Variants in CHD5 observed in about 807,000 individuals in gnomAD.
CHD5 encodes the protein chromodomain helicase DNA binding protein 5, also known as ATP-dependent chromatin remodeler CHD5.
In CHD5, 69 loss-of-function variants were observed where a neutral mutation model predicts 230.3. The observed-to-expected ratio is 0.30, with a 90% CI of 0.25 to 0.37. The LOEUF is 0.37. Among genes scored for constraint, CHD5 ranks in the 10% least tolerant of loss-of-function variants. The pLI, the probability that CHD5 is intolerant of heterozygous loss-of-function variation, is 1.00. For missense variants in CHD5, 1,827 were observed against 2,622.8 expected, an observed-to-expected ratio of 0.70 and a Z score of 6.63; for synonymous variants, 1,064 against 1,065.9, an observed-to-expected ratio of 1.00 and a Z score of 0.03.
intron 13 of CHD5, among the ~76,000 whole-genome samples, chr1:6,143,103 A>G (rs923339371): frequency 9.9e-5 from 15 of 151,560 alleles, no homozygotes; most frequent in Non-Finnish European, 1.9e-4. Context: ...CCCAGGCTGG[A>G]GTGCAGTGGC....
chr1:6,126,784 A>G lies in CHD5; in HGVS notation c.3904-38T>C. The G allele has an allele frequency of 1.3e-6, 2 of 1,593,554 alleles. No individual in the cohort carries two copies. The highest frequency in any genetic ancestry group is 1.7e-6 in the Non-Finnish European group (2 of 1,165,606). On this transcript the variant is annotated intron_variant, in intron 25 of 41. Transcript: ENST00000262450. The surrounding 1 kb of genome is among the most constrained non-coding windows in gnomAD (Gnocchi z 5.7). ...CACCACGGGTTCCATGGGTGGAGCC[A>G]TCTCTGCCCTCCCGGAAGCCTCAGG...
intron 1 of CHD5, among the ~76,000 whole-genome samples, chr1:6,176,850 A>T (rs1156369514): frequency 6.6e-6 from 1 of 152,204 alleles, no homozygotes; most frequent in Non-Finnish European, 1.5e-5. Context: ...CCAAGGCCTC[A>T]TCCCACCAGC....
At chr1:6,140,603 C>T (rs138022071) in intron 15 of CHD5, among the ~76,000 whole-genome samples, 160 of 152,264 alleles carry the variant, frequency 1.1e-3, no homozygotes, top group Admixed American at 2.4e-3. Flanking sequence ...AGTGAGGCCA[C>T]GTGACTTGCC....
At chr1:6,137,521 A>G (rs1666764585) in intron 15 of CHD5, among the ~76,000 whole-genome samples, 1 of 151,734 alleles carries the variant, frequency 6.6e-6, no homozygotes, top group African/African-American at 2.4e-5. Context: ...TCTTTTGGAG[A>G]GAGATCTCTC....
chr1:6,111,669 T>C lies in CHD5; in HGVS notation c.5249+106A>G. ...TAGCCACCGCCAGAAGTGAGGAAGA[T>C]TGAGGAAGAACGAGGAAGGCTTCCC... is the stretch of plus-strand genomic sequence containing the variant. On this transcript the variant is annotated intron_variant, in intron 36 of 41. Coordinates refer to ENST00000262450, the MANE Select transcript of CHD5 (RefSeq NM_015557.3). The C allele has an allele frequency of 1.8e-5, 15 of 842,008 alleles. No homozygotes were observed. In the South Asian group the frequency reaches 2.3e-4, roughly 13 times the overall value. The allele number at this position is 842,008 out of a possible 1,614,324, so 52.2% of individuals were successfully genotyped here. A position where few individuals can be genotyped will look rare whatever the true frequency, so the allele number is the denominator to read the frequency against.
intron 13 of CHD5, among the ~76,000 whole-genome samples, chr1:6,143,560 G>T (rs543207569): frequency 6.6e-6 from 1 of 152,196 alleles, no homozygotes; most frequent in Non-Finnish European, 1.5e-5. Context: ...AGGGCCAGGC[G>T]CTAGTGGACA....
At chr1:6,114,866 T>G (rs1666350434) in intron 33 of CHD5, among the ~76,000 whole-genome samples, 1 of 151,860 alleles carries the variant, frequency 6.6e-6, no homozygotes, top group Non-Finnish European at 1.5e-5. Context: ...ATACAAAAAT[T>G]AGGCAGGTGT....
intron 38 of CHD5, among the ~76,000 whole-genome samples, chr1:6,108,838 G>A (rs1156845968): frequency 6.7e-6 from 1 of 148,672 alleles, no homozygotes; most frequent in Non-Finnish European, 1.5e-5. Context: ...GGGATTGAGG[G>A]GTGAAAGAAT....
rs1355853175 is a variant in CHD5, at chr1:6,167,544, G to A, written c.207+606C>T. 6.6e-6 allele frequency among the ~76,000 whole-genome samples: 1 copy of A among 152,212 alleles called. No individual in the cohort carries two copies. Among genetic ancestry groups the A allele is most frequent in the African/African-American group, 2.4e-5 (1 of 41,442 alleles). On this transcript the variant is annotated intron_variant, in intron 2 of 41. Transcript: ENST00000262450. This position sits in a 1 kb window ranked among gnomAD's most constrained non-coding sequence, Gnocchi z 4.5. ...TCCCATGCCACCAATTTCCAGGGCT[G>A]ATCATGAGGATCAAGTGAGCCCGCG...
Position 6,101,834 on chromosome 1 carries a change from TACAC to T in CHD5, c.*3636_*3639del, listed in dbSNP as rs546688311. Reference sequence around the variant, plus strand: ...TATTAAAACACAGAAAACCAAAACATACACACAGAGTACAAAGTAAAGGTGATTG... The same window carrying T: ...TATTAAAACACAGAAAACCAAAACATACAGAGTACAAAGTAAAGGTGATTG... On this transcript the variant is annotated 3_prime_UTR_variant, in exon 42 of 42. Coordinates refer to ENST00000262450, the MANE Select transcript of CHD5 (RefSeq NM_015557.3). The T allele has an allele frequency of 3.0e-4, 61 of 200,636 alleles. No homozygotes were observed. Among genetic ancestry groups the T allele is most frequent in the African/African-American group, 1.4e-3 (56 of 41,168 alleles). The allele number at this position is 200,636 out of a possible 1,614,324, so 12.4% of individuals were successfully genotyped here. A position where few individuals can be genotyped will look rare whatever the true frequency, so the allele number is the denominator to read the frequency against.
At chr1:6,149,700 G>C (rs1318943366) in intron 7 of CHD5, among the ~76,000 whole-genome samples, 1 of 140,618 alleles carries the variant, frequency 7.1e-6, no homozygotes, top group African/African-American at 2.7e-5. Flanking sequence ...ATAGATGAAT[G>C]GATGGACAAA....
At position 6,152,452 on chromosome 1, in the gene CHD5, C is replaced by A; in HGVS notation, c.830G>T (p.Arg277Leu). 1 of 1,614,166 alleles carries A rather than the reference C, an allele frequency of 6.2e-7. No individual in the cohort carries two copies. The highest frequency in any genetic ancestry group is 8.5e-7 in the Non-Finnish European group (1 of 1,180,038). Residue 277 changes from arginine to leucine, a missense_variant, in exon 6 of 42, where the codon CGC becomes CTC. Physicochemically the swap from Arg to Leu is moderately radical, Grantham distance 102 (BLOSUM62 -2). Around this residue, in one of 14 missense-constraint regions of CHD5, gnomAD observed 657 missense variants for 816.4 expected, o/e 0.80. Coordinates refer to ENST00000262450, the MANE Select transcript of CHD5 (RefSeq NM_015557.3). ...KGKKTAGLKF[R>L]FGGISNKRKK... is the part of the protein sequence containing the mutation. ...CCTCTTGTTGCTGATCCCCCCGAAG[C>A]GGAACTTGAGCCCGGCCGTCTTTTT...
At position 6,112,264 on chromosome 1, in the gene CHD5, A is replaced by T. The variant is rs554050905; in HGVS notation, c.5016T>A (p.Ala1672=). 6.2e-7 allele frequency: 1 copy of T among 1,614,012 alleles called. No individual in the cohort carries two copies. Among genetic ancestry groups the T allele is most frequent in the Admixed American group, 1.7e-5 (1 of 60,010 alleles). Residue 1672 remains alanine (A), a synonymous_variant, in exon 35 of 42, where the codon GCT becomes GCA. Coordinates refer to ENST00000262450, the MANE Select transcript of CHD5 (RefSeq NM_015557.3). The stretch of plus-strand genomic sequence containing the variant: ...GTGTTTCAATGGGCTCCTTCTCCTC[A>T]GCCTTGGTGTCATCTGCCGGGGACA... ...SSELRPDDTK[A]EEKEPIETQQ...
rs562571922 is a variant in CHD5 at position 6,170,525 on chromosome 1, G to C, written c.80-2248C>G. Among the ~76,000 whole-genome samples the C allele has an allele frequency of 3.9e-5, 6 of 152,310 alleles. No homozygotes were observed. The East Asian group carries it at 1.2e-3, about 29-fold the overall frequency. On this transcript the variant is annotated intron_variant, in intron 1 of 41. Transcript: ENST00000262450. ...TGGAAGGTGTTTGCACCAGTGGAAG[G>C]TGGGGGCTGCACCACTGTCTTGGTG...
At chr1:6,163,041 T>C (rs757392778) in intron 2 of CHD5, among the ~76,000 whole-genome samples, 1 of 152,124 alleles carries the variant, frequency 6.6e-6, no homozygotes, top group Non-Finnish European at 1.5e-5. Context: ...CATGCCACCT[T>C]GGGAGAGTAG....
intron 1 of CHD5, among the ~76,000 whole-genome samples, chr1:6,168,641 G>A (rs1224351085): frequency 1.3e-5 from 2 of 152,210 alleles, no homozygotes; most frequent in Non-Finnish European, 2.9e-5. Flanking sequence ...AGGAGTTGGG[G>A]CTGATAGAGC....
In CHD5 at chr1:6,128,050, C is replaced by T. The variant is rs1332580403; in HGVS notation, c.3899G>A (p.Gly1300Asp). Residue 1300 changes from glycine to aspartate, a missense_variant, in exon 25 of 42, where the codon GGC (glycine) becomes GAC (aspartate). By Grantham distance (94) the Gly-to-Asp change is moderately conservative (BLOSUM62 -1). This residue lies in a region of CHD5 where 137 missense variants were observed against 272.7 expected (regional missense o/e 0.50). Transcript: ENST00000262450. This position sits in a 1 kb window ranked among gnomAD's most constrained non-coding sequence, Gnocchi z 7.8. ...VAQYVVREED[G>D]VEEVEREIIK... Reference sequence around the variant, plus strand: ...AGGGCGGGCCGGGGACCTTACCACGCCGTCCTCCTCGCGCACCACGTACTG... The same window carrying T: ...AGGGCGGGCCGGGGACCTTACCACGTCGTCCTCCTCGCGCACCACGTACTG... 1 of 1,604,516 alleles carries T rather than the reference C, an allele frequency of 6.2e-7. No homozygotes were observed.
In CHD5 at chr1:6,126,164, C is replaced by A. The variant is rs1666553656; in HGVS notation, c.4079-306G>T. 6.6e-6 allele frequency among the ~76,000 whole-genome samples: 1 copy of A among 152,188 alleles called. No individual in the cohort carries two copies. Among genetic ancestry groups the A allele is most frequent in the Non-Finnish European group, 1.5e-5 (1 of 68,022 alleles). On this transcript the variant is annotated intron_variant, in intron 26 of 41. Coordinates refer to ENST00000262450, the MANE Select transcript of CHD5 (RefSeq NM_015557.3). The surrounding 1 kb of genome is among the most constrained non-coding windows in gnomAD (Gnocchi z 5.7). ...ACCTTGTTCCCCCAAACACCCAGCA[C>A]CTCTGCACCTGCCCCCAGTCCCCTT... is the stretch of plus-strand genomic sequence containing the variant.
intron 37 of CHD5, 49 bp from the exon 38 acceptor site, chr1:6,110,039 C>T: frequency 6.9e-7 from 1 of 1,441,878 alleles, no homozygotes; most frequent in Non-Finnish European, 9.2e-7. Context: ...TGAATGGCTA[C>T]CCTCCGTGCT....
Sources: gnomAD v4.1 joint callset for allele counts (sites outside exome capture counted in the v4.1 genomes callset) on GRCh38, gnomAD v4.1.1 for gene constraint, gnomAD v4.1.1 regional missense constraint, Gnocchi (gnomAD v3.1) non-coding constraint, MANE v1.5 for transcripts, NCBI Gene and HGNC (gene_info 2026-07-23, HGNC 2026-07-21) for gene names.